Variants in TMEM131L observed in about 807,000 individuals in gnomAD.
The protein encoded by TMEM131L is transmembrane protein 131-like.
In TMEM131L, 54 loss-of-function variants were observed where a neutral mutation model predicts 192.2. That is an observed-to-expected ratio of 0.28 (90% CI 0.23 to 0.35). The LOEUF is 0.35. Ranked by LOEUF, TMEM131L falls within the 10% of genes least tolerant of loss-of-function variation. The probability of loss-of-function intolerance (pLI) is 1.00; values close to 1 mark genes in which losing one functional copy is unlikely to be tolerated. For missense variants in TMEM131L, 1,888 were observed against 1,972.9 expected, an observed-to-expected ratio of 0.96 and a Z score of 0.82; for synonymous variants, 701 against 704.9, an observed-to-expected ratio of 0.99 and a Z score of 0.09.
chr4:153,548,453 C>G (rs574454189), intron 3 of TMEM131L, among the ~76,000 whole-genome samples: 1 of 151,896 alleles, frequency 6.6e-6, no homozygotes, highest in South Asian at 2.1e-4. Flanking sequence ...TACAGGCGCC[C>G]GCCACCACGC....
chr4:153,591,170 C>T lies in TMEM131L; in HGVS notation c.1788C>T (p.Ser596=), dbSNP rs373372550. 5.3e-5 allele frequency: 85 copies of T among 1,607,232 alleles called. 2 individuals carry two copies. Among genetic ancestry groups the T allele is most frequent in the South Asian group, 4.0e-4 (36 of 90,234 alleles). The part of the protein sequence containing the change: ...IAEPGLMLNF[S]ATALRSRMIK... Reference sequence around the variant, plus strand: ...AGCCTGGCCTCATGTTAAACTTCAGCGCAACTGCCCTTAGGAGCAGGATGG... The same window carrying T: ...AGCCTGGCCTCATGTTAAACTTCAGTGCAACTGCCCTTAGGAGCAGGATGG... Residue 596 remains serine (S), a synonymous_variant, in exon 17 of 35, where the codon AGC becomes AGT. Coordinates refer to ENST00000409959, the MANE Select transcript of TMEM131L (RefSeq NM_001131007.2).
chr4:153,612,071 AATAT>A, intron 25 of TMEM131L, among the ~76,000 whole-genome samples, 177 bp from the exon 26 acceptor site: 1 of 152,096 alleles, frequency 6.6e-6, no homozygotes, highest in Admixed American at 6.5e-5. Context: ...TAGAACTCTT[AATAT>A]AAGTATACTT....
Position 153,466,392 on chromosome 4 carries a change from A to T in TMEM131L, c.-6A>T. On this transcript the variant is annotated 5_prime_UTR_variant, in exon 1 of 35. Transcript: ENST00000409959. ...GCGAGCAACGGAGAGGAGCGCGAGC[A>T]GCAGCATGGCGGGGCTCCGACGCCC... The T allele has an allele frequency of 7.6e-7, 1 of 1,317,558 alleles. No homozygotes were observed. The highest frequency in any genetic ancestry group is 9.7e-7 in the Non-Finnish European group (1 of 1,029,998). The allele number at this position is 1,317,558 out of a possible 1,614,324, so 81.6% of individuals were successfully genotyped here.
At chr4:153,594,840 C>G (rs749969355) in intron 19 of TMEM131L, among the ~76,000 whole-genome samples, 6 of 152,138 alleles carry the variant, frequency 3.9e-5, no homozygotes, top group Non-Finnish European at 5.9e-5. Flanking sequence ...CTGCCCCTCT[C>G]TCTCCTTCTC....
chr4:153,603,442 C>T lies in TMEM131L; in HGVS notation c.2779C>T (p.His927Tyr). The T allele has an allele frequency of 6.2e-7, 1 of 1,613,296 alleles. No individual in the cohort carries two copies. The highest frequency in any genetic ancestry group is 1.1e-5 in the South Asian group (1 of 90,810). ...TGGTCCTATGGATGTAATCAGCCCC[C>T]ATTCTTACAAGTAAGAATTCTTATA... ...NNGPMDVISP[H>Y]SYKSNCKNFL... Residue 927 changes from histidine (H) to tyrosine (Y), a missense_variant, in exon 24 of 35, where the codon CAT becomes TAT. By Grantham distance (83) the His-to-Tyr change is moderately conservative (BLOSUM62 2). Coordinates refer to ENST00000409959, the MANE Select transcript of TMEM131L (RefSeq NM_001131007.2).
chr4:153,520,213 G>C (rs1241738897), intron 3 of TMEM131L, among the ~76,000 whole-genome samples: 1 of 152,122 alleles, frequency 6.6e-6, no homozygotes, highest in Non-Finnish European at 1.5e-5. Context: ...GCAGCACTTT[G>C]GGAGGCTGAG....
chr4:153,524,117 C>T (rs1417181044), intron 3 of TMEM131L, among the ~76,000 whole-genome samples: 1 of 151,046 alleles, frequency 6.6e-6, no homozygotes, highest in Non-Finnish European at 1.5e-5. Flanking sequence ...CTGTCTTTCC[C>T]ATGTTTCACT....
At chr4:153,609,407 C>T (rs1291094445) in intron 25 of TMEM131L, among the ~76,000 whole-genome samples, 1 of 152,160 alleles carries the variant, frequency 6.6e-6, no homozygotes, top group African/African-American at 2.4e-5. Context: ...TCCCACCAGG[C>T]CCCTCCTCCA....
At chr4:153,628,561 C>T (rs761824835) in intron 31 of TMEM131L, among the ~76,000 whole-genome samples, 1 of 152,154 alleles carries the variant, frequency 6.6e-6, no homozygotes, top group Admixed American at 6.5e-5. Context: ...TACTTTATGT[C>T]GTTCCTTGGA....
chr4:153,468,545 G>A (rs995967034), intron 2 of TMEM131L, among the ~76,000 whole-genome samples: 16 of 152,150 alleles, frequency 1.1e-4, no homozygotes, highest in African/African-American at 3.9e-4. Context: ...CTGCAAGAAC[G>A]ACATTTAACG....
intron 7 of TMEM131L, among the ~76,000 whole-genome samples, chr4:153,571,689 A>G (rs2150618112): frequency 6.6e-6 from 1 of 152,280 alleles, no homozygotes; most frequent in South Asian, 2.1e-4. Context: ...CCTCCTGAGT[A>G]GCTGGGACTA....
chr4:153,585,697 A>G lies in TMEM131L; in HGVS notation c.1311+86A>G, dbSNP rs183987721. ...GCTGTGAAATTATTTCTATAAAATA[A>G]TAAAAAATATTCCAAATGCTATGAA... On this transcript the variant is annotated intron_variant, in intron 13 of 34. Coordinates refer to ENST00000409959, the MANE Select transcript of TMEM131L (RefSeq NM_001131007.2). 4,595 of 824,162 alleles carry G rather than the reference A, an allele frequency of 5.6e-3. 18 individuals are homozygous for G. The highest frequency in any genetic ancestry group is 7.1e-3 in the Non-Finnish European group (4,088 of 578,540). The allele number at this position is 824,162 out of a possible 1,614,324, so 51.1% of individuals were successfully genotyped here.
At chr4:153,617,121 G>T (rs75040347) in intron 26 of TMEM131L, among the ~76,000 whole-genome samples, 50 of 152,246 alleles carry the variant, frequency 3.3e-4, no homozygotes, top group African/African-American at 1.1e-3. Flanking sequence ...ATGGGGGTGG[G>T]ATTTTCCTGT....
At chr4:153,598,172 C>T (rs1192563211) in intron 20 of TMEM131L, among the ~76,000 whole-genome samples, 1 of 152,106 alleles carries the variant, frequency 6.6e-6, no homozygotes, top group Admixed American at 6.5e-5. Flanking sequence ...CTTAATTCAC[C>T]CTGTAAATAA....
At position 153,591,177 on chromosome 4, in the gene TMEM131L, G is replaced by A. The variant is rs148691214; in HGVS notation, c.1795G>A (p.Ala599Thr). 469 of 1,605,688 alleles carry A rather than the reference G, an allele frequency of 2.9e-4. 4 individuals are homozygous for A. The South Asian group carries it at 3.6e-3, about 12-fold the overall frequency. ...PGLMLNFSATALRSRMIKYFV... is the reference protein window; with the variant it reads ...PGLMLNFSATTLRSRMIKYFV... ...CCTCATGTTAAACTTCAGCGCAACT[G>A]CCCTTAGGAGCAGGATGGTGAGGAC... Residue 599 changes from alanine (A) to threonine (T), a missense_variant, in exon 17 of 35, where the codon GCC (alanine) becomes ACC (threonine). Transcript: ENST00000409959.
chr4:153,466,424 C>G lies in TMEM131L; in HGVS notation c.27C>G (p.Pro9=). ...TGGCGGGGCTCCGACGCCCGCAGCCCGGCTGCTACTGCCGCACCGCGGCGG... is the reference window on the plus strand; with the variant it reads ...TGGCGGGGCTCCGACGCCCGCAGCCGGGCTGCTACTGCCGCACCGCGGCGG... The part of the protein sequence containing the change: MAGLRRPQ[P]GCYCRTAAAV... Residue 9 remains proline, a synonymous_variant, in exon 1 of 35, where the codon CCC becomes CCG. Coordinates refer to ENST00000409959, the MANE Select transcript of TMEM131L (RefSeq NM_001131007.2). 3 of 1,387,272 alleles carry G rather than the reference C, an allele frequency of 2.2e-6. No homozygotes were observed. The highest frequency in any genetic ancestry group is 2.8e-6 in the Non-Finnish European group (3 of 1,063,064). The allele number at this position is 1,387,272 out of a possible 1,614,324, so 85.9% of individuals were successfully genotyped here.
intron 20 of TMEM131L, 38 bp downstream of exon 20, chr4:153,596,423 A>ATCTGTG: frequency 6.2e-7 from 1 of 1,607,936 alleles, no homozygotes; most frequent in Non-Finnish European, 8.5e-7. Flanking sequence ...TTTCTTTCTC[A>ATCTGTG]ATGACTCATC....
Position 153,621,772 on chromosome 4 carries a change from T to C in TMEM131L, c.3782T>C (p.Ile1261Thr). 1 of 1,614,146 alleles carries C rather than the reference T, an allele frequency of 6.2e-7. No individual in the cohort carries two copies. The highest frequency in any genetic ancestry group is 8.5e-7 in the Non-Finnish European group (1 of 1,179,996). ...SSDINVRSWC[I>T]QESTREVCKA... ...GACATCAATGTAAGAAGCTGGTGTA[T>C]ACAGGAAAGCACTAGGGAGGTTTGT... Residue 1261 changes from isoleucine (I) to threonine (T), a missense_variant, in exon 28 of 35, where the codon ATA (isoleucine) becomes ACA (threonine). Ile to Thr is a moderately conservative substitution (Grantham distance 89). Coordinates refer to ENST00000409959, the MANE Select transcript of TMEM131L (RefSeq NM_001131007.2).
At chr4:153,503,992 A>C (rs1733788473) in intron 3 of TMEM131L, among the ~76,000 whole-genome samples, 1 of 152,168 alleles carries the variant, frequency 6.6e-6, no homozygotes. Context: ...TTGGAGATGG[A>C]GTCTTGCTCT....
Sources: gnomAD v4.1 joint callset for allele counts (sites outside exome capture counted in the v4.1 genomes callset) on GRCh38, gnomAD v4.1.1 for gene constraint, MANE v1.5 for transcripts, NCBI Gene and HGNC (gene_info 2026-07-23, HGNC 2026-07-21) for gene names.